HGFAC: variants seen among roughly 807,000 people sequenced by gnomAD.
HGFAC encodes hepatocyte growth factor activator serine protease.
Under a neutral mutation model 70.6 loss-of-function variants are expected in HGFAC, and 76 were observed. The observed-to-expected ratio is 1.08, with a 90% CI of 0.89 to 1.30. The LOEUF (loss-of-function observed/expected upper bound fraction) is 1.30, where lower values mean the gene tolerates loss of function less well. Ranked by LOEUF, HGFAC falls within the 50% of genes most tolerant of loss-of-function variation. HGFAC has a pLI of 0.00. For synonymous variants in HGFAC, 464 were observed against 405.3 expected, an observed-to-expected ratio of 1.14 and a Z score of -1.74; for missense variants, 1,044 against 933.7, an observed-to-expected ratio of 1.12 and a Z score of -1.54.
Position 3,445,255 on chromosome 4 carries a change from T to A in HGFAC, c.1017-10T>A, listed in dbSNP as rs755217142. The A allele has an allele frequency of 3.2e-6, 5 of 1,563,336 alleles. No homozygotes were observed. The highest frequency in any genetic ancestry group is 4.3e-6 in the Non-Finnish European group (5 of 1,154,022). On this transcript the variant is annotated splice_polypyrimidine_tract_variant and intron_variant, in intron 8 of 13. Coordinates refer to ENST00000382774, the MANE Select transcript of HGFAC (RefSeq NM_001528.4). Reference sequence around the variant, plus strand: ...GTGACTCCCTGCCAGCCCCCACTTATGCACCGCAGGAATCCGGACAATGAC... The same window carrying A: ...GTGACTCCCTGCCAGCCCCCACTTAAGCACCGCAGGAATCCGGACAATGAC...
At chr4:3,443,234 C>A in intron 3 of HGFAC, 88 bp downstream of exon 3, 1 of 1,309,210 alleles carries the variant, frequency 7.6e-7, no homozygotes, top group Non-Finnish European at 1.0e-6. Flanking sequence ...AGTAGGCGCT[C>A]ACCACGCAGC....
intron 9 of HGFAC, chr4:3,445,806 G>T: frequency 7.0e-7 from 1 of 1,424,994 alleles, no homozygotes; most frequent in Non-Finnish European, 9.6e-7. Flanking sequence ...GGGCCACAAA[G>T]GCCTCCGTGT....
At chr4:3,448,062 C>A in intron 12 of HGFAC, 27 bp downstream of exon 12, 1 of 1,555,256 alleles carries the variant, frequency 6.4e-7, no homozygotes, top group South Asian at 1.2e-5. Context: ...GCGCCCAGCG[C>A]CCCGCCAGGG....
rs16844398 is a variant in HGFAC at position 3,447,603 on chromosome 4, G to A, written c.1467G>A (p.Ser489=). ...IEKYIPYTLY[S]VFNPSDHDLV... is the part of the protein sequence containing the mutation. ...AGTACATCCCGTACACCCTGTACTCGGTGTTCAACCCCAGCGACCACGACC... is the reference window on the plus strand; with the variant it reads ...AGTACATCCCGTACACCCTGTACTCAGTGTTCAACCCCAGCGACCACGACC... Residue 489 remains serine (S), a synonymous_variant, in exon 11 of 14, where the codon TCG becomes TCA. Transcript: ENST00000382774. 6,192 of 1,612,682 alleles carry A rather than the reference G, an allele frequency of 3.8e-3. 208 individuals carry two copies. The African/African-American group carries it at 0.073, about 19-fold the overall frequency.
chr4:3,445,682 G>A, intron 9 of HGFAC: 1 of 620,852 alleles, frequency 1.6e-6, no homozygotes, highest in Non-Finnish European at 2.8e-6. Context: ...CCTGCTTCCT[G>A]CCCTGGGGAG....
chr4:3,447,449 G>T, intron 10 of HGFAC, 43 bp from the exon 11 acceptor site: 2 of 1,606,004 alleles, frequency 1.2e-6, no homozygotes, highest in South Asian at 1.1e-5. Context: ...CCCGGTGGCT[G>T]GGGGAGGGCT....
At position 3,444,720 on chromosome 4, in the gene HGFAC, G is replaced by A. The variant is rs780298311; in HGVS notation, c.828G>A (p.Arg276=). Reference sequence around the variant, plus strand: ...CCTGCCCACCAGGCTTCGCTGGACGGCTCTGCAACATCGGTGAGTGGGTCA... The same window carrying A: ...CCTGCCCACCAGGCTTCGCTGGACGACTCTGCAACATCGGTGAGTGGGTCA... ...VCACPPGFAG[R]LCNIEPDERC... is the part of the protein sequence containing the mutation. Residue 276 remains arginine (R), a synonymous_variant, in exon 7 of 14, where the codon CGG becomes CGA. Transcript: ENST00000382774. 4.0e-5 allele frequency: 63 copies of A among 1,594,382 alleles called. No individual in the cohort carries two copies. Among genetic ancestry groups the A allele is most frequent in the Non-Finnish European group, 5.1e-5 (60 of 1,176,692 alleles).
intron 9 of HGFAC, chr4:3,445,693 A>C: frequency 4.8e-6 from 3 of 628,518 alleles, no homozygotes; most frequent in South Asian, 3.9e-5. Flanking sequence ...CCCTGGGGAG[A>C]GGCCCCCCGG....
At chr4:3,445,504 A>G in intron 9 of HGFAC, 154 bp downstream of exon 9, 4 of 666,986 alleles carry the variant, frequency 6.0e-6, no homozygotes, top group Non-Finnish European at 5.4e-6. Flanking sequence ...AAGGTCACGC[A>G]GTGGGTCGGT....
chr4:3,447,454 A>C (rs1270658230), intron 10 of HGFAC, 38 bp from the exon 11 acceptor site: 2 of 1,605,618 alleles, frequency 1.2e-6, no homozygotes, highest in African/African-American at 1.3e-5. Flanking sequence ...TGGCTGGGGG[A>C]GGGCTGGTCC....
Position 3,443,114 on chromosome 4 carries a change from C to T in HGFAC, c.363C>T (p.Ala121=), listed in dbSNP as rs766031334. ...GCTACGGGGGCCGCATGCTGCATGC[C>T]TGCACTTCGGAGGGCAGTGCACACA... ...PFRYGGRMLH[A]CTSEGSAHRK... The change falls in exon 3 of 14, where the codon GCC becomes GCT. Residue 121 remains alanine, a synonymous_variant. Transcript: ENST00000382774. 1.3e-6 allele frequency: 2 copies of T among 1,588,514 alleles called. No individual in the cohort carries two copies. Among genetic ancestry groups the T allele is most frequent in the Non-Finnish European group, 1.7e-6 (2 of 1,173,186 alleles).
At position 3,448,234 on chromosome 4, in the gene HGFAC, G is replaced by A; in HGVS notation, c.1743G>A (p.Met581Ile). ...EVYGADISPN[M>I]LCAGYFDCKS... ...ACGGCGCCGACATCAGCCCCAACAT[G>A]CTCTGTGCCGGCTACTTCGACTGCA... The change falls in exon 13 of 14, where the codon ATG (methionine) becomes ATA (isoleucine). Residue 581 changes from methionine to isoleucine, a missense_variant. Coordinates refer to ENST00000382774, the MANE Select transcript of HGFAC (RefSeq NM_001528.4). 3 of 1,608,926 alleles carry A rather than the reference G, an allele frequency of 1.9e-6. No homozygotes were observed. Among genetic ancestry groups the A allele is most frequent in the Non-Finnish European group, 2.5e-6 (3 of 1,179,216 alleles).
intron 8 of HGFAC, 111 bp downstream of exon 8, chr4:3,445,104 GC>G (rs1725457095): frequency 7.4e-7 from 1 of 1,359,594 alleles, no homozygotes; most frequent in African/African-American, 1.4e-5. Flanking sequence ...GTCCAGACAG[GC>G]CCCGGAACCT....
At position 3,446,211 on chromosome 4, in the gene HGFAC, C is replaced by T. The variant is rs1160392569; in HGVS notation, c.1272C>T (p.Ala424=). Reference sequence around the variant, plus strand: ...CCGGCTCGCACCCCTGGCTGGCCGCCATCTACATCGGGGACAGCTTCTGCG... The same window carrying T: ...CCGGCTCGCACCCCTGGCTGGCCGCTATCTACATCGGGGACAGCTTCTGCG... ...SLPGSHPWLA[A]IYIGDSFCAG... is the part of the protein sequence containing the mutation. Residue 424 remains alanine (A), a synonymous_variant, in exon 10 of 14, where the codon GCC becomes GCT. Coordinates refer to ENST00000382774, the MANE Select transcript of HGFAC (RefSeq NM_001528.4). 2 of 1,611,320 alleles carry T rather than the reference C, an allele frequency of 1.2e-6. No individual in the cohort carries two copies. Among genetic ancestry groups the T allele is most frequent in the South Asian group, 1.1e-5 (1 of 90,812 alleles).
chr4:3,442,864 C>A lies in HGFAC; in HGVS notation c.250C>A (p.Pro84Thr). Residue 84 changes from proline (P) to threonine (T), a missense_variant, in exon 2 of 14, where the codon CCG becomes ACG. Physicochemically the swap from Pro to Thr is conservative, Grantham distance 38. Coordinates refer to ENST00000382774, the MANE Select transcript of HGFAC (RefSeq NM_001528.4). ...AGAGGGACCCCAAAGTGGGGGGCTC[C>A]CGCCCCCGCCCAGGGCAGTTCCCTC... is the stretch of plus-strand genomic sequence containing the variant. ...EAEGPQSGGL[P>T]PPPRAVPSSS... 6.4e-7 allele frequency: 1 copy of A among 1,572,998 alleles called. No homozygotes were observed. The highest frequency in any genetic ancestry group is 8.6e-7 in the Non-Finnish European group (1 of 1,163,978).
chr4:3,446,283 C>T lies in HGFAC; in HGVS notation c.1344C>T (p.Cys448=), dbSNP rs1306575767. 17 of 1,606,800 alleles carry T rather than the reference C, an allele frequency of 1.1e-5. No individual in the cohort carries two copies. The highest frequency in any genetic ancestry group is 1.4e-5 in the Non-Finnish European group (16 of 1,177,982). ...GCTGGGTGGTGTCGGCCGCCCACTG[C>T]TTCTCCCACAGGTGCACCTCCTCTG... is the stretch of plus-strand genomic sequence containing the variant. ...HTCWVVSAAH[C]FSHSPPRDSV... is the part of the protein sequence containing the mutation. The change falls in exon 10 of 14, where the codon TGC becomes TGT. Residue 448 remains cysteine, a synonymous_variant. Coordinates refer to ENST00000382774, the MANE Select transcript of HGFAC (RefSeq NM_001528.4).
At chr4:3,448,405 C>T in intron 13 of HGFAC, 129 bp downstream of exon 13, 1 of 1,160,898 alleles carries the variant, frequency 8.6e-7, no homozygotes, top group East Asian at 2.6e-5. Context: ...AGCCAGGGAC[C>T]CCTGGGCAGG....
At chr4:3,446,770 G>A (rs1455346917) in intron 10 of HGFAC, among the ~76,000 whole-genome samples, 2 of 152,288 alleles carry the variant, frequency 1.3e-5, no homozygotes, top group Admixed American at 1.3e-4. Flanking sequence ...GGCGGGCCTC[G>A]AGTGGGGAGA....
Position 3,444,611 on chromosome 4 carries a change from C to T in HGFAC, c.731-12C>T, listed in dbSNP as rs765185835. ...CGCGGCCCCTGGCCCAGCTCCTCGG[C>T]CCTGCCCCCAGCTTGTCTGAGCAGC... is the stretch of plus-strand genomic sequence containing the variant. On this transcript the variant is annotated splice_polypyrimidine_tract_variant and intron_variant, in intron 6 of 13. Coordinates refer to ENST00000382774, the MANE Select transcript of HGFAC (RefSeq NM_001528.4). The T allele has an allele frequency of 1.9e-6, 3 of 1,582,646 alleles. No individual in the cohort carries two copies. The highest frequency in any genetic ancestry group is 2.3e-5 in the South Asian group (2 of 88,054).
Sources: gnomAD v4.1 joint callset for allele counts (sites outside exome capture counted in the v4.1 genomes callset) on GRCh38, gnomAD v4.1.1 for gene constraint, MANE v1.5 for transcripts, NCBI Gene and HGNC (gene_info 2026-07-23, HGNC 2026-07-21) for gene names.